The following IGSF21 variants were observed in gnomAD, a reference collection of about 807,000 sequenced individuals.
IGSF21 encodes the protein immunoglobin superfamily member 21.
A neutral mutation model predicts 46.8 loss-of-function variants in IGSF21; 28 were observed. That is an observed-to-expected ratio of 0.60 (90% CI 0.44 to 0.82). The LOEUF (loss-of-function observed/expected upper bound fraction) is 0.82, where lower values mean the gene tolerates loss of function less well. Ranked by LOEUF, IGSF21 falls within the 40% of genes least tolerant of loss-of-function variation. The probability of loss-of-function intolerance (pLI) is 0.00; values close to 1 mark genes in which losing one functional copy is unlikely to be tolerated. For synonymous variants in IGSF21, 284 were observed against 273.6 expected (o/e 1.04, Z -0.38); for missense variants, 624 against 665.5 (o/e 0.94, Z 0.69).
chr1:18,277,836 C>T (rs1054532737), intron 2 of IGSF21, among the ~76,000 whole-genome samples: 2 of 152,076 alleles, frequency 1.3e-5, no homozygotes, highest in African/African-American at 4.8e-5. Context: ...ATGTGACAAA[C>T]AGATTAGAAT....
intron 1 of IGSF21, among the ~76,000 whole-genome samples, chr1:18,141,356 A>G (rs2086413895): frequency 6.6e-6 from 1 of 152,200 alleles, no homozygotes; most frequent in South Asian, 2.1e-4. Flanking sequence ...CCAATGATGA[A>G]AAAGAGATAG....
At chr1:18,196,117 C>T (rs755873980) in intron 1 of IGSF21, among the ~76,000 whole-genome samples, 23 of 152,142 alleles carry the variant, frequency 1.5e-4, no homozygotes, top group Non-Finnish European at 2.5e-4. Context: ...TATCCCTTCT[C>T]TTGAGATTGA....
At chr1:18,265,212 C>T (rs1031941375) in intron 2 of IGSF21, among the ~76,000 whole-genome samples, 1 of 152,150 alleles carries the variant, frequency 6.6e-6, no homozygotes, top group Non-Finnish European at 1.5e-5. Flanking sequence ...CTTAGTATCA[C>T]CATCCAAATG....
chr1:18,230,901 C>A (rs1161116195), intron 2 of IGSF21, among the ~76,000 whole-genome samples: 1 of 151,822 alleles, frequency 6.6e-6, no homozygotes, highest in Non-Finnish European at 1.5e-5. Flanking sequence ...ACTGTGGCTT[C>A]CTTCCCCATC....
At chr1:18,279,629 G>A (rs1252208966) in intron 2 of IGSF21, among the ~76,000 whole-genome samples, 2 of 152,214 alleles carry the variant, frequency 1.3e-5, no homozygotes, top group South Asian at 2.1e-4. Flanking sequence ...GCAGAGATGG[G>A]GCCCAGGTCT....
rs1240279131 is a variant in IGSF21 at position 18,365,582 on chromosome 1, A to G, written c.900A>G (p.Glu300=). The G allele has an allele frequency of 6.2e-7, 1 of 1,614,172 alleles. No individual in the cohort carries two copies. ...SRTPSSDGTV[E]VRALLTWTLN... ...CCCCGAGCAGTGACGGCACTGTGGA[A>G]GTACGTGCCCTGCTCACCTGGACCC... is the stretch of plus-strand genomic sequence containing the variant. The change falls in exon 6 of 10, where the codon GAA becomes GAG. Residue 300 remains glutamate (E), a synonymous_variant. Transcript: ENST00000251296. The surrounding 1 kb of genome is among the most constrained non-coding windows in gnomAD (Gnocchi z 4.8).
intron 1 of IGSF21, among the ~76,000 whole-genome samples, chr1:18,130,508 A>T (rs2086309206): frequency 6.6e-6 from 1 of 152,152 alleles, no homozygotes; most frequent in Non-Finnish European, 1.5e-5. Context: ...TTCTTAAACC[A>T]TCAGTTGTCC....
intron 3 of IGSF21, among the ~76,000 whole-genome samples, chr1:18,313,576 T>A (rs1239131973): frequency 6.6e-6 from 1 of 152,208 alleles, no homozygotes; most frequent in East Asian, 1.9e-4. Flanking sequence ...GTGATGATTA[T>A]GTGCTAACAT....
intron 1 of IGSF21, among the ~76,000 whole-genome samples, chr1:18,188,983 GAGTC>G (rs1162162917): frequency 6.6e-6 from 1 of 152,206 alleles, no homozygotes; most frequent in Admixed American, 6.5e-5. Flanking sequence ...ATCCTTGTGA[GAGTC>G]AGAGATGAGC....
In IGSF21 at chr1:18,295,663, C is replaced by T. The variant is rs1224624535; in HGVS notation, c.305+3676C>T. 2.0e-5 allele frequency among the ~76,000 whole-genome samples: 3 copies of T among 152,150 alleles called. No homozygotes were observed. In the East Asian group the frequency reaches 5.8e-4, roughly 29 times the overall value. ...GGAGGCAGATGTGGCCGACAGTTAT[C>T]CCACCCTGCCCACTTCCTCTTACCC... On this transcript the variant is annotated intron_variant, in intron 3 of 9. Coordinates refer to ENST00000251296, the MANE Select transcript of IGSF21 (RefSeq NM_032880.5).
In IGSF21 at chr1:18,337,779, G is replaced by A. The variant is rs1177756800; in HGVS notation, c.424+2769G>A. On this transcript the variant is annotated intron_variant, in intron 4 of 9. Coordinates refer to ENST00000251296, the MANE Select transcript of IGSF21 (RefSeq NM_032880.5). This position sits in a 1 kb window ranked among gnomAD's most constrained non-coding sequence, Gnocchi z 5.7. ...TGCCCAATCTGAGCAATTTCAGAGG[G>A]GCTTTCACATTGAGGACATCATCCA... Among the ~76,000 whole-genome samples the A allele has an allele frequency of 6.6e-6, 1 of 152,184 alleles. No homozygotes were observed. The highest frequency in any genetic ancestry group is 1.5e-5 in the Non-Finnish European group (1 of 68,034).
intron 2 of IGSF21, among the ~76,000 whole-genome samples, chr1:18,229,724 A>G (rs1356591466): frequency 6.6e-6 from 1 of 152,222 alleles, no homozygotes; most frequent in African/African-American, 2.4e-5. Flanking sequence ...AAGTCAAGGC[A>G]TATGTTAAAT....
At chr1:18,207,417 G>T (rs138264455) in intron 1 of IGSF21, among the ~76,000 whole-genome samples, 1 of 152,162 alleles carries the variant, frequency 6.6e-6, no homozygotes, top group Non-Finnish European at 1.5e-5. Flanking sequence ...GAAGGGGATC[G>T]TTTTTAGAAT....
chr1:18,224,643 A>G (rs918720215), intron 1 of IGSF21, among the ~76,000 whole-genome samples: 2 of 152,108 alleles, frequency 1.3e-5, no homozygotes, highest in Non-Finnish European at 2.9e-5. Context: ...ATTCTCAATT[A>G]ATTTGTTTTT....
At chr1:18,348,402 A>C (rs901473105) in intron 4 of IGSF21, among the ~76,000 whole-genome samples, 1 of 152,224 alleles carries the variant, frequency 6.6e-6, no homozygotes, top group Non-Finnish European at 1.5e-5. Context: ...GATCAGCTTC[A>C]GCCTCCCAGG....
At chr1:18,345,729 T>C (rs756395187) in intron 4 of IGSF21, among the ~76,000 whole-genome samples, 20 of 152,120 alleles carry the variant, frequency 1.3e-4, no homozygotes, top group Non-Finnish European at 7.3e-5. Context: ...GGGACTGTTC[T>C]GCTTAACACC....
intron 1 of IGSF21, among the ~76,000 whole-genome samples, chr1:18,156,541 A>G (rs2086571115): frequency 6.6e-6 from 1 of 152,188 alleles, no homozygotes; most frequent in Non-Finnish European, 1.5e-5. Flanking sequence ...CCCAGCCCCA[A>G]CCAAGTTCAC....
At chr1:18,134,013 C>T (rs989534205) in intron 1 of IGSF21, among the ~76,000 whole-genome samples, 9 of 152,116 alleles carry the variant, frequency 5.9e-5, no homozygotes, top group African/African-American at 1.9e-4. Context: ...GATAATGTGC[C>T]AGGCTTTGGA....
intron 1 of IGSF21, among the ~76,000 whole-genome samples, chr1:18,222,867 T>G (rs543414357): frequency 6.6e-6 from 1 of 152,346 alleles, no homozygotes; most frequent in South Asian, 2.1e-4. Context: ...CCTTGCTATA[T>G]GAACCCTTGC....
Sources: gnomAD v4.1 joint callset for allele counts (sites outside exome capture counted in the v4.1 genomes callset) on GRCh38, gnomAD v4.1.1 for gene constraint, Gnocchi (gnomAD v3.1) non-coding constraint, MANE v1.5 for transcripts, NCBI Gene and HGNC (gene_info 2026-07-23, HGNC 2026-07-21) for gene names.